The following CREB5 variants were observed in gnomAD, a reference collection of about 807,000 sequenced individuals.
CREB5 encodes cAMP responsive element binding protein 5.
In CREB5, 19 loss-of-function variants were observed where a neutral mutation model predicts 57.1. The ratio of observed to expected loss-of-function variants is 0.33; its 90% CI spans 0.23 to 0.49. The LOEUF is 0.49. CREB5 is among the 20% of genes least tolerant of loss of function. The probability of loss-of-function intolerance (pLI) is 0.99; values close to 1 mark genes in which losing one functional copy is unlikely to be tolerated. For synonymous variants in CREB5, 238 were observed against 238.3 expected (o/e 1.00, Z 0.01); for missense variants, 579 against 671.6 (o/e 0.86, Z 1.52).
intron 7 of CREB5, among the ~76,000 whole-genome samples, chr7:28,800,642 C>T (rs1033996198): frequency 1.3e-5 from 2 of 152,302 alleles, no homozygotes; most frequent in East Asian, 3.9e-4. Context: ...CCTGGACAAT[C>T]CTTTCTTTGC....
chr7:28,421,992 T>C (rs900558987), intron 1 of CREB5, among the ~76,000 whole-genome samples: 1 of 151,778 alleles, frequency 6.6e-6, no homozygotes, highest in Non-Finnish European at 1.5e-5. Context: ...TTGTAGTTTA[T>C]GTCAGGGAAT....
intron 5 of CREB5, among the ~76,000 whole-genome samples, chr7:28,657,738 A>AAT (rs1554281277): frequency 0.011 from 1,607 of 139,850 alleles, 59 homozygotes; most frequent in South Asian, 0.035. Context: ...AAAAAAAAAA[A>AAT]GAATAAAATT....
At chr7:28,539,795 C>T (rs1336602607) in intron 4 of CREB5, among the ~76,000 whole-genome samples, 2 of 152,202 alleles carry the variant, frequency 1.3e-5, no homozygotes, top group Non-Finnish European at 2.9e-5. Flanking sequence ...AAAGACAAAA[C>T]CTGCCTTCGT....
At chr7:28,547,195 T>C (rs1211052113) in intron 4 of CREB5, among the ~76,000 whole-genome samples, 1 of 152,250 alleles carries the variant, frequency 6.6e-6, no homozygotes, top group Non-Finnish European at 1.5e-5. Flanking sequence ...ATTTAGTCTA[T>C]GCGTATTTAA....
At position 28,464,710 on chromosome 7, in the gene CREB5, TA is replaced by T. The variant is rs397743366; in HGVS notation, c.4-23451del. Among the ~76,000 whole-genome samples the T allele has an allele frequency of 8.4e-3, 1,227 of 146,118 alleles. 13 individuals carry two copies. Among genetic ancestry groups the T allele is most frequent in the African/African-American group, 0.026 (1,023 of 40,104 alleles). On this transcript the variant is annotated intron_variant, in intron 1 of 10. Transcript: ENST00000357727. Reference sequence around the variant, plus strand: ...ATCTACTTTTGTTTCAAGTTATTTTTAAAAAAAAAAAAAAGACTGCTAAACT... The same window carrying T: ...ATCTACTTTTGTTTCAAGTTATTTTTAAAAAAAAAAAAAGACTGCTAAACT...
At chr7:28,599,042 T>C (rs1479829642) in intron 5 of CREB5, among the ~76,000 whole-genome samples, 1 of 152,164 alleles carries the variant, frequency 6.6e-6, no homozygotes, top group Non-Finnish European at 1.5e-5. Flanking sequence ...CAAAAAAATG[T>C]TCTGTAAGAA....
At chr7:28,365,682 C>T (rs748331615) in intron 1 of CREB5, among the ~76,000 whole-genome samples, 23 of 152,308 alleles carry the variant, frequency 1.5e-4, no homozygotes, top group Non-Finnish European at 2.9e-4. Flanking sequence ...ACCCACTCTA[C>T]AGAAACTGCG....
At chr7:28,381,977 G>A (rs1583410309) in intron 1 of CREB5, among the ~76,000 whole-genome samples, 1 of 152,358 alleles carries the variant, frequency 6.6e-6, no homozygotes, top group East Asian at 1.9e-4. Context: ...GTGTGATGGA[G>A]AACCAGGGAA....
At chr7:28,591,807 G>C (rs1458984604) in intron 5 of CREB5, among the ~76,000 whole-genome samples, 1 of 152,204 alleles carries the variant, frequency 6.6e-6, no homozygotes, top group Non-Finnish European at 1.5e-5. Context: ...TGCTAATATA[G>C]TACTGGTAAT....
At chr7:28,703,224 GTTT>G (rs918430997) in intron 5 of CREB5, among the ~76,000 whole-genome samples, 15 of 152,210 alleles carry the variant, frequency 9.9e-5, no homozygotes, top group African/African-American at 3.6e-4. Flanking sequence ...ACAACACTGT[GTTT>G]TGGACTAGGA....
intron 5 of CREB5, among the ~76,000 whole-genome samples, chr7:28,658,990 A>ATATATATATATGTGT (rs1562554757): frequency 4.6e-5 from 3 of 65,182 alleles, no homozygotes; most frequent in African/African-American, 1.6e-4. Flanking sequence ...TGTATATATA[A>ATATATATATATGTGT]GTCATAATTT....
chr7:28,550,916 T>A (rs1794612870), intron 4 of CREB5, among the ~76,000 whole-genome samples: 1 of 152,170 alleles, frequency 6.6e-6, no homozygotes, highest in Non-Finnish European at 1.5e-5. Flanking sequence ...TCAAGTCAGA[T>A]AAAAACAACG....
At chr7:28,729,417 G>T (rs1337875366) in intron 7 of CREB5, among the ~76,000 whole-genome samples, 2 of 152,188 alleles carry the variant, frequency 1.3e-5, no homozygotes, top group Non-Finnish European at 2.9e-5. Flanking sequence ...GGGAGGTATG[G>T]TGAGCAATCC....
intron 1 of CREB5, among the ~76,000 whole-genome samples, chr7:28,463,813 T>A (rs2128577333): frequency 6.6e-6 from 1 of 152,314 alleles, no homozygotes; most frequent in East Asian, 1.9e-4. Context: ...TAGTTTCTTT[T>A]TTTAGTTGGA....
At chr7:28,680,951 C>T (rs937787216) in intron 5 of CREB5, among the ~76,000 whole-genome samples, 2 of 152,108 alleles carry the variant, frequency 1.3e-5, no homozygotes, top group African/African-American at 4.8e-5. Context: ...GAAGTCCCAA[C>T]AGGAGAATAT....
chr7:28,676,798 G>A (rs536520034), intron 5 of CREB5, among the ~76,000 whole-genome samples: 24 of 152,224 alleles, frequency 1.6e-4, no homozygotes, highest in South Asian at 4.1e-4. Flanking sequence ...CCATCCCAGC[G>A]TACCCTCCTC....
chr7:28,344,740 A>T (rs1047127727), intron 1 of CREB5, among the ~76,000 whole-genome samples: 1 of 152,166 alleles, frequency 6.6e-6, no homozygotes, highest in Non-Finnish European at 1.5e-5. Flanking sequence ...AAAAGACAAG[A>T]TCCAATTGTA....
chr7:28,415,516 C>A (rs946564024), intron 1 of CREB5, among the ~76,000 whole-genome samples: 1 of 152,198 alleles, frequency 6.6e-6, no homozygotes, highest in African/African-American at 2.4e-5. Context: ...ACACCTTAAT[C>A]ATAAAAACTG....
chr7:28,767,230 T>C (rs1486321855), intron 7 of CREB5, among the ~76,000 whole-genome samples: 4 of 152,214 alleles, frequency 2.6e-5, no homozygotes, highest in Non-Finnish European at 4.4e-5. Context: ...CCCTGTTCCA[T>C]GTATGCATTT....
Sources: gnomAD v4.1 joint callset for allele counts (sites outside exome capture counted in the v4.1 genomes callset) on GRCh38, gnomAD v4.1.1 for gene constraint, MANE v1.5 for transcripts, NCBI Gene and HGNC (gene_info 2026-07-23, HGNC 2026-07-21) for gene names.